The following RBFOX1 variants were observed in gnomAD, a reference collection of about 807,000 sequenced individuals.
RBFOX1 encodes the protein RNA binding fox-1 homolog 1, also known as RNA binding protein fox-1 homolog 1.
Under a neutral mutation model 57.7 loss-of-function variants are expected in RBFOX1, and 8 were observed. The observed-to-expected ratio is 0.14, with a 90% CI of 0.08 to 0.25. RBFOX1 has a LOEUF of 0.25. Ranked by LOEUF, RBFOX1 falls within the 10% of genes least tolerant of loss-of-function variation. The pLI, the probability that RBFOX1 is intolerant of heterozygous loss-of-function variation, is 1.00. For missense variants in RBFOX1, 611 were observed against 548.5 expected (o/e 1.11, Z -1.14); for synonymous variants, 326 against 222.4 (o/e 1.47, Z -4.15).
intron 7 of RBFOX1, among the ~76,000 whole-genome samples, chr16:7,590,249 A>G (rs1048316013): frequency 6.6e-6 from 1 of 151,750 alleles, no homozygotes; most frequent in Admixed American, 6.6e-5. Flanking sequence ...CTTGGGTGAC[A>G]GAGTGAGTCC....
At chr16:5,620,525 T>A (rs2048172178) in intron 3 of RBFOX1, among the ~76,000 whole-genome samples, 1 of 151,958 alleles carries the variant, frequency 6.6e-6, no homozygotes, top group African/African-American at 2.4e-5. Flanking sequence ...GTCAGCGGGG[T>A]TGGTTTCTTC....
chr16:6,943,405 A>C (rs1419823507), intron 3 of RBFOX1, among the ~76,000 whole-genome samples: 3 of 152,142 alleles, frequency 2.0e-5, no homozygotes, highest in Non-Finnish European at 4.4e-5. Context: ...CTGAAAATCT[A>C]ACTTAAGAGT....
At chr16:6,377,686 A>G (rs778613806) in intron 2 of RBFOX1, among the ~76,000 whole-genome samples, 9 of 152,226 alleles carry the variant, frequency 5.9e-5, no homozygotes, top group Non-Finnish European at 8.8e-5. Context: ...TACCCTCTAC[A>G]GTGTTTTTAA....
At chr16:6,253,405 C>A (rs2097637667) in intron 1 of RBFOX1, among the ~76,000 whole-genome samples, 2 of 152,132 alleles carry the variant, frequency 1.3e-5, no homozygotes, top group South Asian at 2.1e-4. Context: ...TCACAGCAAA[C>A]CTTCATAGGT....
intron 1 of RBFOX1, among the ~76,000 whole-genome samples, chr16:5,319,020 G>C (rs192720230): frequency 4.6e-5 from 7 of 152,264 alleles, no homozygotes; most frequent in Admixed American, 3.9e-4. Context: ...CCAGCTACTT[G>C]GGAGGCTGAG....
chr16:5,266,985 A>C (rs745583794), intron 1 of RBFOX1, among the ~76,000 whole-genome samples: 44 of 152,156 alleles, frequency 2.9e-4, no homozygotes, highest in Non-Finnish European at 4.7e-4. Flanking sequence ...AGTGATTGGC[A>C]TGAAAGCTGA....
chr16:7,650,650 G>A (rs1034835239), intron 11 of RBFOX1, among the ~76,000 whole-genome samples: 1 of 152,162 alleles, frequency 6.6e-6, no homozygotes, highest in Admixed American at 6.5e-5. Context: ...GCTGCTTGTG[G>A]CTGAGAGGGA....
At chr16:6,800,121 A>G (rs1236768113) in intron 3 of RBFOX1, among the ~76,000 whole-genome samples, 1 of 152,138 alleles carries the variant, frequency 6.6e-6, no homozygotes, top group East Asian at 1.9e-4. Flanking sequence ...CAGATGTATT[A>G]TCGTTCCTAG....
intron 1 of RBFOX1, among the ~76,000 whole-genome samples, chr16:5,288,678 C>T (rs1378897419): frequency 6.6e-6 from 1 of 150,596 alleles, no homozygotes; most frequent in Non-Finnish European, 1.5e-5. Flanking sequence ...TTTCACATTT[C>T]CCAATACAAA....
intron 2 of RBFOX1, among the ~76,000 whole-genome samples, chr16:6,366,477 A>T (rs911650360): frequency 6.6e-6 from 1 of 152,198 alleles, no homozygotes; most frequent in African/African-American, 2.4e-5. Context: ...AGAATAAGCC[A>T]AAATATAAGG....
At position 7,002,557 on chromosome 16, in the gene RBFOX1, C is replaced by A. The variant is rs557172251; in HGVS notation, c.-15-49500C>A. Reference sequence around the variant, plus strand: ...TGAAACCCCGTCTCTACTAAAAATACAAAAATTTGCTGGGCGTGGTGGCAT... The same window carrying A: ...TGAAACCCCGTCTCTACTAAAAATAAAAAAATTTGCTGGGCGTGGTGGCAT... On this transcript the variant is annotated intron_variant, in intron 3 of 15. Coordinates refer to ENST00000550418, the MANE Select transcript of RBFOX1 (RefSeq NM_018723.4). Among the ~76,000 whole-genome samples, 4 of 152,080 alleles carry A rather than the reference C, an allele frequency of 2.6e-5. No individual in the cohort carries two copies. In the South Asian group the frequency reaches 8.3e-4, roughly 32 times the overall value.
At chr16:7,074,263 T>A (rs1598759856) in intron 4 of RBFOX1, among the ~76,000 whole-genome samples, 1 of 152,336 alleles carries the variant, frequency 6.6e-6, no homozygotes, top group Non-Finnish European at 1.5e-5. Context: ...AAGATGGACA[T>A]GATGAGTTCG....
chr16:5,914,493 A>T (rs1293799071), intron 4 of RBFOX1, among the ~76,000 whole-genome samples: 6 of 152,072 alleles, frequency 3.9e-5, no homozygotes. Flanking sequence ...AAGCTCACTC[A>T]TGTGGTTGTT....
intron 4 of RBFOX1, among the ~76,000 whole-genome samples, chr16:5,926,077 A>G (rs2058935002): frequency 2.6e-5 from 4 of 152,232 alleles, no homozygotes; most frequent in Admixed American, 2.6e-4. Context: ...AGTTGGAGGA[A>G]CAAAGGTAAG....
At chr16:6,002,529 G>A (rs529813809) in intron 4 of RBFOX1, among the ~76,000 whole-genome samples, 2 of 152,282 alleles carry the variant, frequency 1.3e-5, no homozygotes, top group South Asian at 4.1e-4. Context: ...TGAATGAAAG[G>A]TTGAAGTAGG....
intron 1 of RBFOX1, among the ~76,000 whole-genome samples, chr16:6,258,022 C>G (rs1265968171): frequency 6.6e-6 from 1 of 152,174 alleles, no homozygotes; most frequent in African/African-American, 2.4e-5. Context: ...AAAGGTTGAA[C>G]TAATTTACAC....
At chr16:5,883,164 A>G (rs1213558828) in intron 4 of RBFOX1, among the ~76,000 whole-genome samples, 4 of 152,176 alleles carry the variant, frequency 2.6e-5, no homozygotes, top group East Asian at 1.9e-4. Context: ...GGGGTTATAC[A>G]TCTCAGCTTC....
chr16:5,504,659 C>T (rs1333740910), intron 2 of RBFOX1, among the ~76,000 whole-genome samples: 3 of 152,240 alleles, frequency 2.0e-5, no homozygotes, highest in Non-Finnish European at 4.4e-5. Flanking sequence ...TACTGTCTAC[C>T]ATTTGCTGAG....
At chr16:6,769,554 T>G (rs1457723747) in intron 3 of RBFOX1, among the ~76,000 whole-genome samples, 2 of 152,214 alleles carry the variant, frequency 1.3e-5, no homozygotes, top group African/African-American at 4.8e-5. Flanking sequence ...GTTTCCTGTT[T>G]TTGCCTATTC....
Sources: allele counts gnomAD v4.1 joint callset (sites outside exome capture counted in the v4.1 genomes callset), GRCh38; gene constraint gnomAD v4.1.1; transcripts MANE v1.5; gene names NCBI Gene and HGNC (gene_info 2026-07-23, HGNC 2026-07-21).